Variants in NCKAP5 observed in about 807,000 individuals in gnomAD.
NCKAP5 encodes the protein NCK associated protein 5, also known as nck-associated protein 5.
A neutral mutation model predicts 167.0 loss-of-function variants in NCKAP5; 92 were observed. The ratio of observed to expected loss-of-function variants is 0.55; its 90% CI spans 0.47 to 0.66. The LOEUF (loss-of-function observed/expected upper bound fraction) is 0.66, where lower values mean the gene tolerates loss of function less well. Ranked by LOEUF, NCKAP5 falls within the 30% of genes least tolerant of loss-of-function variation. The pLI, the probability that NCKAP5 is intolerant of heterozygous loss-of-function variation, is 0.00. For missense variants in NCKAP5, 2,378 were observed against 2,315.0 expected (o/e 1.03, Z -0.56); for synonymous variants, 891 against 877.4 (o/e 1.02, Z -0.27).
intron 5 of NCKAP5, among the ~76,000 whole-genome samples, chr2:133,184,697 T>C (rs1159299993): frequency 6.6e-6 from 1 of 152,170 alleles, no homozygotes; most frequent in African/African-American, 2.4e-5. Context: ...TGGTTTTGAC[T>C]TGCATTTCTC....
At chr2:132,969,983 G>C (rs941834494) in intron 7 of NCKAP5, among the ~76,000 whole-genome samples, 1 of 152,182 alleles carries the variant, frequency 6.6e-6, no homozygotes, top group African/African-American at 2.4e-5. Flanking sequence ...GAGAAAGAGA[G>C]AAAATGGAAG....
chr2:132,852,407 G>T (rs555507058), intron 11 of NCKAP5, among the ~76,000 whole-genome samples: 1 of 152,294 alleles, frequency 6.6e-6, no homozygotes, highest in Non-Finnish European at 1.5e-5. Context: ...TTTAGACACA[G>T]AGGGCTCTTC....
chr2:133,020,317 G>T (rs930620644), intron 6 of NCKAP5, among the ~76,000 whole-genome samples: 2 of 152,216 alleles, frequency 1.3e-5, no homozygotes, highest in South Asian at 2.1e-4. Context: ...AACAAAAGAG[G>T]TGTTTGAAAA....
chr2:133,482,820 T>A (rs2151319806), intron 3 of NCKAP5, among the ~76,000 whole-genome samples: 1 of 152,298 alleles, frequency 6.6e-6, no homozygotes, highest in Non-Finnish European at 1.5e-5. Context: ...TTTTTTTTCT[T>A]TTTAATAACT....
chr2:132,741,073 T>C (rs566990778), intron 16 of NCKAP5, among the ~76,000 whole-genome samples: 1 of 152,170 alleles, frequency 6.6e-6, no homozygotes, highest in South Asian at 2.1e-4. Context: ...ACACAGACCA[T>C]GCCTTTATAG....
intron 6 of NCKAP5, among the ~76,000 whole-genome samples, chr2:133,129,207 T>C (rs1466326263): frequency 6.6e-6 from 1 of 151,956 alleles, no homozygotes; most frequent in Admixed American, 6.5e-5. Context: ...AACTCGTCAT[T>C]TAGCATTAGG....
At chr2:133,009,328 CTT>C (rs1329893453) in intron 6 of NCKAP5, among the ~76,000 whole-genome samples, 2 of 152,122 alleles carry the variant, frequency 1.3e-5, no homozygotes, top group Non-Finnish European at 2.9e-5. Flanking sequence ...ATTAGGGACT[CTT>C]ATGCATATCT....
chr2:133,325,174 A>T (rs1682347737), intron 3 of NCKAP5, among the ~76,000 whole-genome samples: 3 of 152,176 alleles, frequency 2.0e-5, no homozygotes, highest in Non-Finnish European at 4.4e-5. Context: ...AAGGCACTGG[A>T]ATGCAGAACC....
chr2:132,936,440 T>G (rs1169292818), intron 8 of NCKAP5, among the ~76,000 whole-genome samples: 1 of 152,210 alleles, frequency 6.6e-6, no homozygotes, highest in African/African-American at 2.4e-5. Flanking sequence ...GACTCACTTG[T>G]CTGATAATAT....
chr2:133,460,833 C>G (rs1692157408), intron 3 of NCKAP5, among the ~76,000 whole-genome samples: 1 of 151,964 alleles, frequency 6.6e-6, no homozygotes, highest in South Asian at 2.1e-4. Context: ...TACAAAACAG[C>G]TAAATACAAC....
At chr2:132,712,390 T>A (rs552384873) in intron 19 of NCKAP5, among the ~76,000 whole-genome samples, 1 of 152,128 alleles carries the variant, frequency 6.6e-6, no homozygotes, top group Admixed American at 6.5e-5. Flanking sequence ...GGTGGCTCAC[T>A]CCTGTAATCC....
intron 3 of NCKAP5, among the ~76,000 whole-genome samples, chr2:133,424,219 A>T (rs1003402760): frequency 2.0e-5 from 3 of 152,118 alleles, no homozygotes; most frequent in African/African-American, 7.2e-5. Context: ...AAGACCCTAT[A>T]ACTTGTCCAG....
At chr2:132,827,295 T>C (rs972592722) in intron 11 of NCKAP5, among the ~76,000 whole-genome samples, 1 of 152,232 alleles carries the variant, frequency 6.6e-6, no homozygotes, top group African/African-American at 2.4e-5. Flanking sequence ...CCATCCCTTT[T>C]AAATGGATAA....
chr2:132,790,381 C>T (rs113989249), intron 12 of NCKAP5, among the ~76,000 whole-genome samples, 176 bp from the exon 13 acceptor site: 5 of 152,264 alleles, frequency 3.3e-5, no homozygotes, highest in Non-Finnish European at 5.9e-5. Context: ...GTACACCTAA[C>T]GCACAGAACA....
At chr2:132,759,046 C>T (rs1680787051) in intron 16 of NCKAP5, among the ~76,000 whole-genome samples, 1 of 151,970 alleles carries the variant, frequency 6.6e-6, no homozygotes, top group African/African-American at 2.4e-5. Context: ...CTGTTTGTTC[C>T]TTCTTACCAT....
At chr2:133,643,172 G>T in the NCKAP5 span, among the ~76,000 whole-genome samples, 1 of 152,236 alleles carries the variant, frequency 6.6e-6, no homozygotes, top group East Asian at 1.9e-4. Context: ...GGGCCAGTTT[G>T]TTCATCAACA....
chr2:133,225,642 C>T (rs758108863), intron 4 of NCKAP5, among the ~76,000 whole-genome samples: 3 of 152,118 alleles, frequency 2.0e-5, no homozygotes, highest in Non-Finnish European at 4.4e-5. Flanking sequence ...GAGATAGGGT[C>T]TCACTTTGTT....
chr2:132,976,718 C>G (rs919152521), intron 7 of NCKAP5, among the ~76,000 whole-genome samples: 2 of 151,778 alleles, frequency 1.3e-5, no homozygotes, highest in African/African-American at 4.8e-5. Flanking sequence ...TCTAGCCATT[C>G]ACAATGTGTG....
At chr2:133,106,060 G>A (rs770046048) in intron 6 of NCKAP5, among the ~76,000 whole-genome samples, 4 of 151,946 alleles carry the variant, frequency 2.6e-5, no homozygotes, top group Admixed American at 6.6e-5. Context: ...CTGGGAGGTC[G>A]AGGTGGGTGG....
Sources: gnomAD v4.1 joint callset for allele counts (sites outside exome capture counted in the v4.1 genomes callset) on GRCh38, gnomAD v4.1.1 for gene constraint, MANE v1.5 for transcripts, NCBI Gene and HGNC (gene_info 2026-07-23, HGNC 2026-07-21) for gene names.